Variants in TNR observed in about 807,000 individuals in gnomAD.
TNR encodes tenascin-R.
Under a neutral mutation model 150.4 loss-of-function variants are expected in TNR, and 45 were observed. The ratio of observed to expected loss-of-function variants is 0.30; its 90% CI spans 0.24 to 0.38. The LOEUF (loss-of-function observed/expected upper bound fraction) is 0.38, where lower values mean the gene tolerates loss of function less well. Ranked by LOEUF, TNR falls within the 10% of genes least tolerant of loss-of-function variation. TNR has a pLI of 1.00. For synonymous variants in TNR, 687 were observed against 678.4 expected, an observed-to-expected ratio of 1.01 and a Z score of -0.20; for missense variants, 1,544 against 1,759.1, an observed-to-expected ratio of 0.88 and a Z score of 2.19.
chr1:175,650,835 C>CTCCCACCTCATTACTCCTCCT (rs1372064446), intron 1 of TNR, among the ~76,000 whole-genome samples: 12 of 45,890 alleles, frequency 2.6e-4, no homozygotes, highest in East Asian at 1.0e-3. Flanking sequence ...TACTACCCCT[C>CTCCCACCTCATTACTCCTCCT]CCCCACCTCA....
At chr1:175,448,204 T>C (rs892838436) in intron 2 of TNR, among the ~76,000 whole-genome samples, 18 of 152,022 alleles carry the variant, frequency 1.2e-4, no homozygotes, top group Admixed American at 9.8e-4. Context: ...CTAAGTAGCC[T>C]TCAGGGATTT....
At chr1:175,451,017 A>G (rs954268728) in intron 2 of TNR, among the ~76,000 whole-genome samples, 1 of 152,144 alleles carries the variant, frequency 6.6e-6, no homozygotes, top group Admixed American at 6.5e-5. Flanking sequence ...CAGACTGTGA[A>G]GGGGATGAAG....
At chr1:175,570,909 A>G (rs988703508) in intron 1 of TNR, among the ~76,000 whole-genome samples, 8 of 152,110 alleles carry the variant, frequency 5.3e-5, no homozygotes, top group African/African-American at 1.9e-4. Flanking sequence ...AGGTTTTTTC[A>G]TTGGAGGCTA....
At chr1:175,492,250 A>G (rs974339244) in intron 2 of TNR, among the ~76,000 whole-genome samples, 1 of 152,204 alleles carries the variant, frequency 6.6e-6, no homozygotes. Context: ...ATGTGCTACT[A>G]TCATTTATGA....
intron 1 of TNR, among the ~76,000 whole-genome samples, chr1:175,687,525 T>G (rs1053556168): frequency 6.6e-6 from 1 of 152,078 alleles, no homozygotes; most frequent in African/African-American, 2.4e-5. Flanking sequence ...GTCCCTTCCT[T>G]TCCTTTTCTT....
At chr1:175,410,351 C>T (rs1009800533) in intron 2 of TNR, among the ~76,000 whole-genome samples, 2 of 152,210 alleles carry the variant, frequency 1.3e-5, no homozygotes, top group South Asian at 2.1e-4. Flanking sequence ...ACATATCAAA[C>T]ATGTATTATG....
At chr1:175,553,505 C>T (rs1340998538) in intron 1 of TNR, among the ~76,000 whole-genome samples, 3 of 152,136 alleles carry the variant, frequency 2.0e-5, no homozygotes, top group African/African-American at 4.8e-5. Flanking sequence ...ATCATCTTAG[C>T]CTCTTTTGCA....
intron 2 of TNR, among the ~76,000 whole-genome samples, chr1:175,477,234 TC>T (rs568866744): frequency 5.9e-5 from 9 of 152,188 alleles, no homozygotes; most frequent in Non-Finnish European, 1.0e-4. Flanking sequence ...CATATGTCAT[TC>T]CCACTAATAA....
At chr1:175,664,169 C>G (rs756335078) in intron 1 of TNR, among the ~76,000 whole-genome samples, 18 of 152,222 alleles carry the variant, frequency 1.2e-4, no homozygotes, top group Non-Finnish European at 1.9e-4. Context: ...AATTGTTTTT[C>G]TCCTTGACCA....
At chr1:175,707,001 A>G (rs1302131655) in intron 1 of TNR, among the ~76,000 whole-genome samples, 1 of 152,164 alleles carries the variant, frequency 6.6e-6, no homozygotes, top group African/African-American at 2.4e-5. Context: ...ATATGACCTC[A>G]TTGGTATTGC....
chr1:175,378,161 T>C (rs1285508190), intron 9 of TNR, among the ~76,000 whole-genome samples: 1 of 152,218 alleles, frequency 6.6e-6, no homozygotes, highest in Non-Finnish European at 1.5e-5. Flanking sequence ...TTACATCACC[T>C]TATTTAAAAT....
chr1:175,643,800 G>A (rs1433620677), intron 1 of TNR, among the ~76,000 whole-genome samples: 1 of 152,178 alleles, frequency 6.6e-6, no homozygotes, highest in Non-Finnish European at 1.5e-5. Context: ...TATCACAGAT[G>A]GTTGTGGGAT....
rs554995631 is a variant in TNR at position 175,544,774 on chromosome 1, GT to G, written c.-164-16406del. On this transcript the variant is annotated intron_variant, in intron 1 of 22. Coordinates refer to ENST00000367674, the MANE Select transcript of TNR (RefSeq NM_003285.3). ...GAAAGGTAGAAGGAGAACCAGTGTG[GT>G]ATTATTTTTTCCCTATCATTGGCTG... 3.0e-3 allele frequency among the ~76,000 whole-genome samples: 452 copies of G among 152,282 alleles called. 6 individuals carry two copies. Among genetic ancestry groups the G allele is most frequent in the African/African-American group, 0.011 (441 of 41,562 alleles).
intron 1 of TNR, among the ~76,000 whole-genome samples, chr1:175,650,870 C>A (rs74210722): frequency 0.013 from 112 of 8,512 alleles, 1 homozygote; most frequent in African/African-American, 0.02. Flanking sequence ...CCACCTCATT[C>A]CTCCTCCTCC....
At chr1:175,536,721 G>A (rs933424816) in intron 1 of TNR, among the ~76,000 whole-genome samples, 1 of 152,202 alleles carries the variant, frequency 6.6e-6, no homozygotes, top group Non-Finnish European at 1.5e-5. Flanking sequence ...TAACTCTAGG[G>A]CAGCAGAGTC....
chr1:175,451,876 C>T (rs936455616), intron 2 of TNR, among the ~76,000 whole-genome samples: 4 of 152,144 alleles, frequency 2.6e-5, no homozygotes, highest in Admixed American at 2.0e-4. Context: ...ACTTCTATAA[C>T]GAATTGCTCT....
intron 1 of TNR, among the ~76,000 whole-genome samples, chr1:175,624,267 G>A (rs771595287): frequency 6.6e-6 from 1 of 152,158 alleles, no homozygotes; most frequent in Non-Finnish European, 1.5e-5. Flanking sequence ...CCTGGAAATA[G>A]ATGATAGAGA....
Position 175,525,394 on chromosome 1 carries a change from T to A in TNR, c.-64+2875A>T, listed in dbSNP as rs190389122. On this transcript the variant is annotated intron_variant, in intron 2 of 22. Transcript: ENST00000367674. ...GCTCTGACTGATCAGAGGTTTGGCA[T>A]AGAGTCAAACACTGCAATTCTGGAG... Among the ~76,000 whole-genome samples the A allele has an allele frequency of 2.6e-5, 4 of 152,230 alleles. No individual in the cohort carries two copies. The South Asian group carries it at 8.3e-4, about 32-fold the overall frequency.
intron 1 of TNR, among the ~76,000 whole-genome samples, chr1:175,530,411 G>A (rs1323478980): frequency 6.6e-6 from 1 of 152,210 alleles, no homozygotes; most frequent in African/African-American, 2.4e-5. Flanking sequence ...GGCTGGTGGT[G>A]ATTCCTGAAA....
Sources: gnomAD v4.1 joint callset for allele counts (sites outside exome capture counted in the v4.1 genomes callset) on GRCh38, gnomAD v4.1.1 for gene constraint, MANE v1.5 for transcripts, NCBI Gene and HGNC (gene_info 2026-07-23, HGNC 2026-07-21) for gene names.